The following KIAA1210 variants were observed in gnomAD, a reference collection of about 807,000 sequenced individuals.
The protein encoded by KIAA1210 is acrosomal protein KIAA1210.
A neutral mutation model predicts 78.9 loss-of-function variants in KIAA1210; 48 were observed. The ratio of observed to expected loss-of-function variants is 0.61; its 90% confidence interval spans 0.48 to 0.77. KIAA1210 has a LOEUF of 0.77. Ranked by LOEUF, KIAA1210 falls within the 30% of genes least tolerant of loss-of-function variation. KIAA1210 has a pLI of 0.00. For synonymous variants in KIAA1210, 406 were observed against 404.5 expected (o/e 1.00, Z -0.04); for missense variants, 1,108 against 1,100.0 (o/e 1.01, Z -0.10).
At position 119,087,963 on chromosome X, in the gene KIAA1210, C is replaced by T. The variant is rs1927214256; in HGVS notation, c.2739G>A (p.Trp913Ter). The change falls in exon 9 of 12, where the codon TGG (tryptophan) becomes TGA (stop). Residue 913 changes from tryptophan to a stop codon, truncating the protein, a stop_gained. Transcript: ENST00000691062. LOFTEE classifies it high-confidence loss of function. ...PTPSKYTSPP[W>*]VTPKFEELYQ... ...ACAGTTCCTCAAATTTAGGGGTCAC[C>T]CATGGCGGGGAAGTGTATTTGGAAG... The T allele has an allele frequency of 1.7e-6, 2 of 1,209,710 alleles. No individual in the cohort carries two copies. The highest frequency in any genetic ancestry group is 3.5e-5 in the African/African-American group (2 of 57,093).
In KIAA1210 at chrX:119,087,376, C is replaced by A. The variant is rs1178198074; in HGVS notation, c.3326G>T (p.Cys1109Phe). 8.3e-7 allele frequency: 1 copy of A among 1,211,472 alleles called. No individual in the cohort carries two copies. ...FSYSERAPGK[C>F]SSFKEQLSPR... Reference sequence around the variant, plus strand: ...AGACAGCTGCTCTTTAAAACTGCTGCACTTCCCAGGAGCTCTCTCTGAATA... The same window carrying A: ...AGACAGCTGCTCTTTAAAACTGCTGAACTTCCCAGGAGCTCTCTCTGAATA... Residue 1109 changes from cysteine to phenylalanine, a missense_variant, in exon 9 of 12, where the codon TGC (cysteine) becomes TTC (phenylalanine). Cys to Phe is a radical substitution (Grantham distance 205). Around this residue, in one of 5 missense-constraint regions of KIAA1210, gnomAD observed 179 missense variants for 174.1 expected, o/e 1.03. Transcript: ENST00000691062.
rs372683108 is a variant in KIAA1210 at position 119,116,476 on chromosome X, T to C, written c.230+20A>G. The C allele has an allele frequency of 8.3e-6, 10 of 1,204,128 alleles. No individual in the cohort carries two copies. Among genetic ancestry groups the C allele is most frequent in the Non-Finnish European group, 1.0e-5 (9 of 891,897 alleles). On this transcript the variant is annotated intron_variant, in intron 3 of 11. Coordinates refer to ENST00000691062, the MANE Select transcript of KIAA1210 (RefSeq NM_001394962.1). Reference sequence around the variant, plus strand: ...GCCTCTTCCCCTGTCCCCATCACTCTCCACCGCATCTGAGCTCACCTGGCC... The same window carrying C: ...GCCTCTTCCCCTGTCCCCATCACTCCCCACCGCATCTGAGCTCACCTGGCC...
At chrX:119,124,999 A>C (rs1222183856) in intron 1 of KIAA1210, among the ~76,000 whole-genome samples, 1 of 112,170 alleles carries the variant, frequency 8.9e-6, no homozygotes, top group African/African-American at 3.2e-5. Context: ...CAAATTTCTT[A>C]ATTTATAAAG....
chrX:119,138,937 G>C (rs1413971140), intron 2 of KIAA1210, among the ~76,000 whole-genome samples: 1 of 112,129 alleles, frequency 8.9e-6, no homozygotes, highest in Non-Finnish European at 1.9e-5. Flanking sequence ...TTGAGCATGA[G>C]AGAAAAGCAT....
chrX:119,142,040 C>T (rs5909596), intron 2 of KIAA1210, among the ~76,000 whole-genome samples: 1 of 110,817 alleles, frequency 9.0e-6, no homozygotes, highest in East Asian at 2.8e-4. Context: ...TAGGCTATGA[C>T]GCTGGACAAA....
intron 2 of KIAA1210, among the ~76,000 whole-genome samples, chrX:119,140,399 T>C (rs1482173387): frequency 1.8e-5 from 2 of 109,115 alleles, no homozygotes; most frequent in Non-Finnish European, 3.8e-5. Flanking sequence ...TGTGGTGGCA[T>C]GCGGCTGTAA....
intron 2 of KIAA1210, among the ~76,000 whole-genome samples, chrX:119,118,690 C>G: frequency 8.9e-6 from 1 of 112,411 alleles, no homozygotes; most frequent in Middle Eastern, 4.6e-3. Context: ...TCCCACCAAT[C>G]AGTGAAACTC....
At chrX:119,122,690 G>C (rs1416143467) in intron 2 of KIAA1210, among the ~76,000 whole-genome samples, 1 of 111,705 alleles carries the variant, frequency 9.0e-6, no homozygotes, top group Non-Finnish European at 1.9e-5. Flanking sequence ...ATTTTGGAGT[G>C]CCTAATCTCT....
At position 119,109,042 on chromosome X, in the gene KIAA1210, C is replaced by A. The variant is rs1188275261; in HGVS notation, c.357+34G>T. On this transcript the variant is annotated intron_variant, in intron 4 of 11. Transcript: ENST00000691062. ...GAGTAGGGAACAGAAGAGAAGTAGT[C>A]CAATTAGACACTGATGCTCGAGTCC... 2.5e-6 allele frequency: 3 copies of A among 1,199,284 alleles called. No homozygotes were observed. In the African/African-American group the frequency reaches 5.3e-5, roughly 21 times the overall value.
chrX:119,141,391 C>T (rs1214914696), intron 2 of KIAA1210, among the ~76,000 whole-genome samples: 1 of 111,953 alleles, frequency 8.9e-6, no homozygotes, highest in Non-Finnish European at 1.9e-5. Context: ...TACACTGCCT[C>T]CTGTGCTGTT....
intron 8 of KIAA1210, among the ~76,000 whole-genome samples, 184 bp from the exon 9 acceptor site, chrX:119,089,930 G>A (rs1243897423): frequency 9.0e-6 from 1 of 111,701 alleles, no homozygotes; most frequent in Non-Finnish European, 1.9e-5. Context: ...ATATTTTTAA[G>A]CCAAAGAGAA....
At chrX:119,100,461 C>T (rs183588412) in intron 6 of KIAA1210, among the ~76,000 whole-genome samples, 2 of 110,662 alleles carry the variant, frequency 1.8e-5, no homozygotes, top group African/African-American at 6.6e-5. Context: ...AAGTGGGACA[C>T]CTTTCTCTAC....
At chrX:119,134,675 T>C (rs932669605) in intron 2 of KIAA1210, among the ~76,000 whole-genome samples, 1 of 112,009 alleles carries the variant, frequency 8.9e-6, no homozygotes, top group African/African-American at 3.2e-5. Context: ...CAAAGAATAA[T>C]GGAATCCACC....
intron 2 of KIAA1210, among the ~76,000 whole-genome samples, chrX:119,122,061 ATT>A (rs781688572): frequency 5.3e-5 from 3 of 56,506 alleles, no homozygotes; most frequent in African/African-American, 2.2e-4. Flanking sequence ...CGCGCCCGGC[ATT>A]TTTTTTTTTT....
intron 10 of KIAA1210, among the ~76,000 whole-genome samples, chrX:119,084,009 A>C: frequency 9.5e-6 from 1 of 105,736 alleles, no homozygotes; most frequent in Admixed American, 1.0e-4. Context: ...AAAAAAAAAA[A>C]AAAAAAAAAA....
intron 1 of KIAA1210, among the ~76,000 whole-genome samples, chrX:119,123,945 C>T (rs2147190997): frequency 9.0e-6 from 1 of 110,701 alleles, no homozygotes; most frequent in East Asian, 2.8e-4. Flanking sequence ...GTGGGGGGGG[C>T]GTTGGTAAAG....
At chrX:119,113,190 G>A (rs1603268867) in intron 3 of KIAA1210, among the ~76,000 whole-genome samples, 1 of 111,252 alleles carries the variant, frequency 9.0e-6, no homozygotes, top group East Asian at 2.8e-4. Flanking sequence ...GGGGAAGGTT[G>A]AATAGGGAGG....
At chrX:119,128,039 T>C (rs1177375827), upstream of KIAA1210, among the ~76,000 whole-genome samples, 2 of 111,491 alleles carry the variant, frequency 1.8e-5, no homozygotes, top group Admixed American at 9.6e-5. Flanking sequence ...CTCTCTTCTT[T>C]GTCTACAATC....
At chrX:119,124,101 A>G (rs1928550271) in intron 1 of KIAA1210, among the ~76,000 whole-genome samples, 2 of 111,909 alleles carry the variant, frequency 1.8e-5, no homozygotes, top group Non-Finnish European at 3.8e-5. Context: ...GGCTCAGGCA[A>G]AACTCTCACC....
Sources: gnomAD v4.1 joint callset for allele counts (sites outside exome capture counted in the v4.1 genomes callset) on GRCh38, gnomAD v4.1.1 for gene constraint, gnomAD v4.1.1 regional missense constraint, MANE v1.5 for transcripts, NCBI Gene and HGNC (gene_info 2026-07-23, HGNC 2026-07-21) for gene names.